Variants in CLHC1 observed in about 807,000 individuals in gnomAD.
CLHC1 encodes clathrin heavy chain linker domain-containing protein 1.
In CLHC1, 72 loss-of-function variants were observed where a neutral mutation model predicts 69.5. That is an observed-to-expected ratio of 1.04 (90% CI 0.86 to 1.26). The LOEUF is 1.26. Ranked by LOEUF, CLHC1 falls within the 50% of genes most tolerant of loss-of-function variation. The pLI is 0.00. For synonymous variants in CLHC1, 223 were observed against 224.3 expected, an observed-to-expected ratio of 0.99 and a Z score of 0.05; for missense variants, 790 against 679.3, an observed-to-expected ratio of 1.16 and a Z score of -1.81.
intron 11 of CLHC1, among the ~76,000 whole-genome samples, chr2:55,179,925 C>A (rs931497822): frequency 6.6e-6 from 1 of 152,194 alleles, no homozygotes; most frequent in Admixed American, 6.5e-5. Context: ...GAGGCTGAGG[C>A]GGGCAGATCA....
intron 9 of CLHC1, among the ~76,000 whole-genome samples, chr2:55,188,976 T>C (rs1670674554): frequency 6.6e-6 from 1 of 152,326 alleles, no homozygotes; most frequent in East Asian, 1.9e-4. Context: ...TTTATTTTCA[T>C]AATTTCCTTA....
At chr2:55,207,428 G>A (rs1466891300) in intron 8 of CLHC1, among the ~76,000 whole-genome samples, 2 of 152,078 alleles carry the variant, frequency 1.3e-5, no homozygotes, top group African/African-American at 4.8e-5. Flanking sequence ...CTCAACAAGG[G>A]TTTTTCTCTC....
intron 5 of CLHC1, 112 bp downstream of exon 5, chr2:55,212,561 A>G (rs1673109696): frequency 1.2e-6 from 1 of 824,728 alleles, no homozygotes; most frequent in African/African-American, 1.7e-5. Context: ...TGTACAACAC[A>G]CACACATGTG....
At chr2:55,216,219 G>A (rs1188373835) in intron 4 of CLHC1, 1 of 151,342 alleles carries the variant, frequency 6.6e-6, no homozygotes, top group East Asian at 1.9e-4. Flanking sequence ...TCTGGGAGAC[G>A]GAGGTTGCAC....
Position 55,177,671 on chromosome 2 carries a change from G to A in CLHC1, c.1495C>T (p.His499Tyr), listed in dbSNP as rs759278522. ...PSLSFGLAILHLFSADMKKVG... is the reference protein window; with the variant it reads ...PSLSFGLAILYLFSADMKKVG... ...TTTTTCATGTCTGCAGAGAACAGAT[G>A]AAGTATAGCAAGACCAAAAGATAAA... The change falls in exon 12 of 13, where the codon CAT becomes TAT. Residue 499 changes from histidine to tyrosine, a missense_variant. By Grantham distance (83) the His-to-Tyr change is moderately conservative (BLOSUM62 2). Transcript: ENST00000401408. 5.0e-6 allele frequency: 8 copies of A among 1,612,814 alleles called. No homozygotes were observed. In the South Asian group the frequency reaches 8.8e-5, roughly 18 times the overall value.
chr2:55,228,857 GA>G (rs1363995829), intron 1 of CLHC1, among the ~76,000 whole-genome samples: 2 of 151,864 alleles, frequency 1.3e-5, no homozygotes, highest in African/African-American at 4.8e-5. Context: ...CAACACACAA[GA>G]AAAAAAATAG....
chr2:55,228,712 G>A (rs144735618), intron 1 of CLHC1, among the ~76,000 whole-genome samples: 65 of 152,304 alleles, frequency 4.3e-4, no homozygotes, highest in Middle Eastern at 6.8e-3. Flanking sequence ...CAATGCTTAA[G>A]TTGTGCTACA....
rs754699318 is a variant in CLHC1, at chr2:55,175,785, T to A, written c.*5A>T. ...CAAGCTCCCTCAGCTGGTTAAGATATAGAACTACCAAAACACATGTTCCAT... is the reference window on the plus strand; with the variant it reads ...CAAGCTCCCTCAGCTGGTTAAGATAAAGAACTACCAAAACACATGTTCCAT... On this transcript the variant is annotated 3_prime_UTR_variant, in exon 13 of 13. Coordinates refer to ENST00000401408, the MANE Select transcript of CLHC1 (RefSeq NM_152385.4). The A allele has an allele frequency of 1.2e-6, 2 of 1,612,060 alleles. No homozygotes were observed. The highest frequency in any genetic ancestry group is 1.7e-6 in the Non-Finnish European group (2 of 1,178,352).
At chr2:55,211,433 C>T (rs558373925) in intron 5 of CLHC1, among the ~76,000 whole-genome samples, 37 of 142,874 alleles carry the variant, frequency 2.6e-4, no homozygotes, top group African/African-American at 8.1e-4. Flanking sequence ...ACCCAGGAGG[C>T]GGAGCTTGCA....
intron 7 of CLHC1, among the ~76,000 whole-genome samples, 182 bp downstream of exon 7, chr2:55,209,221 CA>C (rs989913739): frequency 9.9e-5 from 15 of 152,092 alleles, no homozygotes; most frequent in African/African-American, 3.4e-4. Flanking sequence ...TTTGGCTCAC[CA>C]AGTCTATTCT....
At chr2:55,219,538 A>G (rs1673911060) in intron 3 of CLHC1, among the ~76,000 whole-genome samples, 1 of 152,228 alleles carries the variant, frequency 6.6e-6, no homozygotes, top group African/African-American at 2.4e-5. Flanking sequence ...GCTTTCGATT[A>G]CAATCTCCTT....
intron 7 of CLHC1, among the ~76,000 whole-genome samples, chr2:55,208,944 C>G (rs1414059116): frequency 6.7e-6 from 1 of 149,064 alleles, no homozygotes; most frequent in Non-Finnish European, 1.5e-5. Context: ...TATCTTGGCT[C>G]ACTGCAAGCT....
chr2:55,209,271 T>A, intron 7 of CLHC1, 133 bp downstream of exon 7: 1 of 616,068 alleles, frequency 1.6e-6, no homozygotes, highest in Non-Finnish European at 2.9e-6. Context: ...AAGAAACCCA[T>A]AGCGTAACAG....
intron 9 of CLHC1, among the ~76,000 whole-genome samples, chr2:55,182,267 G>A (rs568935072): frequency 3.3e-5 from 5 of 152,068 alleles, no homozygotes; most frequent in African/African-American, 1.2e-4. Context: ...ATATAAAACT[G>A]GACATTTAAA....
chr2:55,227,277 C>A (rs1240092977), intron 2 of CLHC1, among the ~76,000 whole-genome samples: 2 of 151,692 alleles, frequency 1.3e-5, no homozygotes, highest in Admixed American at 6.6e-5. Flanking sequence ...CAACAAAGCA[C>A]CAGGCACCAT....
intron 9 of CLHC1, among the ~76,000 whole-genome samples, chr2:55,186,294 T>A (rs1038946268): frequency 2.0e-5 from 3 of 152,126 alleles, no homozygotes; most frequent in African/African-American, 7.2e-5. Context: ...GGGGAAGAAA[T>A]TAAGCTCACA....
intron 9 of CLHC1, 102 bp from the exon 10 acceptor site, chr2:55,181,846 TA>T (rs1191523436): frequency 1.2e-6 from 1 of 848,706 alleles, no homozygotes; most frequent in East Asian, 2.7e-5. Flanking sequence ...TCTAAAACTT[TA>T]ACAATCTAAA....
At chr2:55,208,102 CA>C (rs1672617719) in intron 8 of CLHC1, among the ~76,000 whole-genome samples, 1 of 152,162 alleles carries the variant, frequency 6.6e-6, no homozygotes, top group South Asian at 2.1e-4. Context: ...AAGACATTCT[CA>C]AAAACATTTT....
intron 9 of CLHC1, among the ~76,000 whole-genome samples, chr2:55,187,686 T>A (rs190481295): frequency 1.4e-3 from 208 of 151,984 alleles, no homozygotes; most frequent in African/African-American, 4.9e-3. Flanking sequence ...TTCAGGTAGC[T>A]TAAAAATCAA....
Sources: gnomAD v4.1 joint callset for allele counts (sites outside exome capture counted in the v4.1 genomes callset) on GRCh38, gnomAD v4.1.1 for gene constraint, MANE v1.5 for transcripts, NCBI Gene and HGNC (gene_info 2026-07-23, HGNC 2026-07-21) for gene names.